WNT11: variants seen among roughly 807,000 people sequenced by gnomAD.
The protein encoded by WNT11 is Wnt family member 11, also known as protein Wnt-11.
WNT11 carries 20 observed loss-of-function variants against 35.6 expected under a neutral mutation model. That is an observed-to-expected ratio of 0.56 (90% CI 0.40 to 0.82). WNT11 has a LOEUF of 0.82. WNT11 is among the 40% of genes least tolerant of loss of function. The probability of loss-of-function intolerance (pLI) is 0.00; values close to 1 mark genes in which losing one functional copy is unlikely to be tolerated. For synonymous variants in WNT11, 200 were observed against 211.9 expected, an observed-to-expected ratio of 0.94 and a Z score of 0.49; for missense variants, 459 against 504.4, an observed-to-expected ratio of 0.91 and a Z score of 0.86.
chr11:76,195,599 C>T (rs1302694390), intron 2 of WNT11, among the ~76,000 whole-genome samples: 1 of 152,212 alleles, frequency 6.6e-6, no homozygotes, highest in Non-Finnish European at 1.5e-5. Flanking sequence ...CAATACACAT[C>T]TGTTGTTTGC....
chr11:76,190,473 C>T (rs1025303755), intron 4 of WNT11, among the ~76,000 whole-genome samples: 1 of 152,132 alleles, frequency 6.6e-6, no homozygotes, highest in Non-Finnish European at 1.5e-5. Flanking sequence ...ACAGAGCCTG[C>T]TGCCCTGGCC....
chr11:76,197,828 G>T (rs938820576), intron 1 of WNT11, among the ~76,000 whole-genome samples: 1 of 152,026 alleles, frequency 6.6e-6, no homozygotes, highest in Non-Finnish European at 1.5e-5. Context: ...CTTCTCTGAG[G>T]GCAGCCTGCA....
In WNT11 at chr11:76,186,888, G is replaced by A; in HGVS notation, c.*177C>T. The stretch of plus-strand genomic sequence containing the variant: ...TGATGTCCTGCCCTCCTTCCAGGGT[G>A]GCCAGACCTTCTGTTCCTGGTGGCT... On this transcript the variant is annotated 3_prime_UTR_variant, in exon 5 of 5. Coordinates refer to ENST00000322563, the MANE Select transcript of WNT11 (RefSeq NM_004626.3). 3 of 907,708 alleles carry A rather than the reference G, an allele frequency of 3.3e-6. No homozygotes were observed. The highest frequency in any genetic ancestry group is 5.2e-6 in the Non-Finnish European group (3 of 574,152). 56.2% of individuals were successfully genotyped at this position (907,708 alleles called of 1,614,324 possible).
intron 3 of WNT11, 147 bp from the exon 4 acceptor site, chr11:76,192,003 G>T (rs1953193333): frequency 1.8e-6 from 2 of 1,099,380 alleles, no homozygotes; most frequent in East Asian, 2.6e-5. Flanking sequence ...TTGCTTTAAA[G>T]CTTGGAGGTG....
chr11:76,203,043 A>G (rs689095), intron 1 of WNT11, among the ~76,000 whole-genome samples: 51,582 of 152,070 alleles, frequency 0.34, 8,922 homozygotes, highest in East Asian at 0.55. Flanking sequence ...ATGCTTCTCA[A>G]CCAAGAAACC....
At chr11:76,201,313 AG>A (rs1288445645) in intron 1 of WNT11, among the ~76,000 whole-genome samples, 1 of 152,242 alleles carries the variant, frequency 6.6e-6, no homozygotes, top group Non-Finnish European at 1.5e-5. Context: ...ACCCGCCCAC[AG>A]GGGCTGCAGG....
In WNT11 at chr11:76,196,582, G is replaced by C. The variant is rs771526822; in HGVS notation, c.220C>G (p.Arg74Gly). 4 of 1,613,508 alleles carry C rather than the reference G, an allele frequency of 2.5e-6. No individual in the cohort carries two copies. The African/African-American group carries it at 5.3e-5, about 22-fold the overall frequency. The stretch of plus-strand genomic sequence containing the variant: ...CGGCGACAGGCCTTCATGACCTCGC[G>C]GGCGGCGTGCACCACCGTGTGCATG... ...ELMHTVVHAAREVMKACRRAF... is the reference protein window; with the variant it reads ...ELMHTVVHAAGEVMKACRRAF... The change falls in exon 2 of 5, where the codon CGC (arginine) becomes GGC (glycine). Residue 74 changes from arginine (R) to glycine (G), a missense_variant. Transcript: ENST00000322563.
upstream of WNT11, among the ~76,000 whole-genome samples, chr11:76,208,276 C>G (rs534083921): frequency 5.4e-4 from 82 of 152,348 alleles, no homozygotes; most frequent in African/African-American, 1.9e-3. Flanking sequence ...TGGAGCCTGT[C>G]GGCAAAACCC....
Position 76,201,808 on chromosome 11 carries a change from T to C in WNT11, c.83+4517A>G, listed in dbSNP as rs541479563. Reference sequence around the variant, plus strand: ...CTTAAGAACAATGCAGGCTTTGACATTGGTAACACAAGCTGCCAAATGACT... The same window carrying C: ...CTTAAGAACAATGCAGGCTTTGACACTGGTAACACAAGCTGCCAAATGACT... On this transcript the variant is annotated intron_variant, in intron 1 of 4. Coordinates refer to ENST00000322563, the MANE Select transcript of WNT11 (RefSeq NM_004626.3). 4.6e-5 allele frequency among the ~76,000 whole-genome samples: 7 copies of C among 152,250 alleles called. No homozygotes were observed. The South Asian group carries it at 8.3e-4, about 18-fold the overall frequency.
At chr11:76,210,274 G>T (rs1591317512), upstream of WNT11, 1 of 349,050 alleles carries the variant, frequency 2.9e-6, no homozygotes, top group Non-Finnish European at 4.0e-6. Context: ...GGCTCCCGAG[G>T]CTTCGCTCCG....
In WNT11 at chr11:76,206,317, C is replaced by T; in HGVS notation, c.83+8G>A. The stretch of plus-strand genomic sequence containing the variant: ...GCCTGTGCGCGTGGACGCGGGGTCC[C>T]TACTCACAGCCACTTGATGCCATAG... On this transcript the variant is annotated splice_region_variant and intron_variant, in intron 1 of 4. Coordinates refer to ENST00000322563, the MANE Select transcript of WNT11 (RefSeq NM_004626.3). The T allele has an allele frequency of 6.5e-7, 1 of 1,548,430 alleles. No homozygotes were observed. The highest frequency in any genetic ancestry group is 1.2e-5 in the South Asian group (1 of 82,628).
chr11:76,203,432 C>T (rs969251678), intron 1 of WNT11, among the ~76,000 whole-genome samples: 1 of 152,218 alleles, frequency 6.6e-6, no homozygotes, highest in African/African-American at 2.4e-5. Context: ...CCGGCCTGGG[C>T]CTTTCCTCTC....
At chr11:76,203,317 A>C (rs559991532) in intron 1 of WNT11, among the ~76,000 whole-genome samples, 1 of 151,948 alleles carries the variant, frequency 6.6e-6, no homozygotes, top group East Asian at 1.9e-4. Flanking sequence ...CTTCCACCCT[A>C]CTCTGCAGCG....
Position 76,194,149 on chromosome 11 carries a change from G to A in WNT11, c.597+418C>T, listed in dbSNP as rs968728582. On this transcript the variant is annotated intron_variant, in intron 3 of 4. Transcript: ENST00000322563. The surrounding 1 kb of genome is among the most constrained non-coding windows in gnomAD (Gnocchi z 5.4). ...TTCTGTTGACCACAGCCCTCTCCACGCCCTGGAGGGAGGGACAGCTTGAGG... is the reference window on the plus strand; with the variant it reads ...TTCTGTTGACCACAGCCCTCTCCACACCCTGGAGGGAGGGACAGCTTGAGG... Among the ~76,000 whole-genome samples, 4 of 151,860 alleles carry A rather than the reference G, an allele frequency of 2.6e-5. No homozygotes were observed. Among genetic ancestry groups the A allele is most frequent in the Non-Finnish European group, 5.9e-5 (4 of 67,986 alleles).
intron 1 of WNT11, among the ~76,000 whole-genome samples, chr11:76,201,293 T>C (rs1341725085): frequency 6.6e-6 from 1 of 152,148 alleles, no homozygotes; most frequent in Non-Finnish European, 1.5e-5. Flanking sequence ...CCATGCGTAC[T>C]AGGGAGGCCA....
At chr11:76,200,122 G>A (rs1953351857) in intron 1 of WNT11, among the ~76,000 whole-genome samples, 1 of 150,484 alleles carries the variant, frequency 6.6e-6, no homozygotes, top group Non-Finnish European at 1.5e-5. Flanking sequence ...CCAGAAAGCA[G>A]GGCCTGGTGT....
intron 1 of WNT11, among the ~76,000 whole-genome samples, chr11:76,204,757 C>T (rs182674635): frequency 4.0e-5 from 6 of 151,874 alleles, no homozygotes; most frequent in African/African-American, 1.5e-4. Context: ...CACAGGCCAG[C>T]GTGGGGGCTT....
upstream of WNT11, among the ~76,000 whole-genome samples, chr11:76,207,484 G>T (rs1953492147): frequency 6.6e-6 from 1 of 152,158 alleles, no homozygotes; most frequent in Admixed American, 6.5e-5. Flanking sequence ...GCACAGAGGT[G>T]GGGTTCAGCT....
Position 76,186,662 on chromosome 11 carries a change from C to T in WNT11, c.*403G>A. On this transcript the variant is annotated 3_prime_UTR_variant, in exon 5 of 5. Transcript: ENST00000322563. ...TTCCATGTGGTGGGCCCAGCAGGCT[C>T]AGACCCCAGGGTGGGCCAGGGGGTC... 3.0e-6 allele frequency: 1 copy of T among 337,940 alleles called. No individual in the cohort carries two copies. Among genetic ancestry groups the T allele is most frequent in the East Asian group, 7.4e-5 (1 of 13,524 alleles). 20.9% of individuals were successfully genotyped at this position (337,940 alleles called of 1,614,324 possible).
Sources: allele counts gnomAD v4.1 joint callset (sites outside exome capture counted in the v4.1 genomes callset), GRCh38; gene constraint gnomAD v4.1.1; non-coding constraint Gnocchi (gnomAD v3.1); transcripts MANE v1.5; gene names NCBI Gene and HGNC (gene_info 2026-07-23, HGNC 2026-07-21).